Variants in DIAPH2 observed in about 807,000 individuals in gnomAD.
DIAPH2 encodes the protein diaphanous related formin 2.
DIAPH2 carries 35 observed loss-of-function variants against 92.7 expected under a neutral mutation model. That is an observed-to-expected ratio of 0.38 (90% CI 0.29 to 0.50). The LOEUF (loss-of-function observed/expected upper bound fraction) is 0.50. Among genes scored for constraint, DIAPH2 ranks in the 20% least tolerant of loss-of-function variants. DIAPH2 has a pLI of 0.94. For synonymous variants in DIAPH2, 301 were observed against 280.4 expected (o/e 1.07, Z -0.73); for missense variants, 701 against 819.5 (o/e 0.86, Z 1.77).
intron 23 of DIAPH2, among the ~76,000 whole-genome samples, chrX:97,320,327 C>T (rs1248208093): frequency 9.1e-6 from 1 of 109,564 alleles, no homozygotes; most frequent in Non-Finnish European, 1.9e-5. Context: ...TAACTGTAGG[C>T]ACTGAAGGAT....
At chrX:96,940,643 TTTG>T (rs1274349175) in intron 12 of DIAPH2, among the ~76,000 whole-genome samples, 1 of 112,219 alleles carries the variant, frequency 8.9e-6, no homozygotes, top group Non-Finnish European at 1.9e-5. Flanking sequence ...AGTACAGTAA[TTTG>T]TTGGGCATCG....
At chrX:97,384,743 G>A (rs12398812) in intron 25 of DIAPH2, among the ~76,000 whole-genome samples, 3,026 of 110,171 alleles carry the variant, frequency 0.027, 34 homozygotes, top group Middle Eastern at 0.042. Flanking sequence ...GCAGGCGCCT[G>A]TAATCCCAGC....
At chrX:97,419,557 G>A (rs2069985667) in intron 25 of DIAPH2, among the ~76,000 whole-genome samples, 1 of 111,873 alleles carries the variant, frequency 8.9e-6, no homozygotes, top group Non-Finnish European at 1.9e-5. Context: ...CACAAGAAAT[G>A]TAGTTTGACT....
chrX:97,450,551 ATT>A (rs931633294), intron 26 of DIAPH2, among the ~76,000 whole-genome samples: 1 of 111,032 alleles, frequency 9.0e-6, no homozygotes, highest in Non-Finnish European at 1.9e-5. Flanking sequence ...CCACTCTAGT[ATT>A]TTTTCCCATT....
chrX:97,175,769 C>T (rs1322533079), intron 22 of DIAPH2, among the ~76,000 whole-genome samples: 1 of 112,227 alleles, frequency 8.9e-6, no homozygotes, highest in Admixed American at 9.5e-5. Context: ...ATGCTACTTG[C>T]TCTGGTAAAT....
chrX:97,334,472 A>AAAAAAAAC (rs1556028856), intron 23 of DIAPH2, among the ~76,000 whole-genome samples: 5,784 of 84,348 alleles, frequency 0.069, 285 homozygotes, highest in Non-Finnish European at 0.097. Flanking sequence ...CAAAAAAAAA[A>AAAAAAAAC]AAAAAACAAA....
intron 26 of DIAPH2, among the ~76,000 whole-genome samples, chrX:97,488,368 G>C (rs893113368): frequency 2.7e-5 from 3 of 112,149 alleles, no homozygotes; most frequent in Non-Finnish European, 5.6e-5. Context: ...CCCTTTATCA[G>C]ATATGCAGCT....
At chrX:96,884,275 A>T in intron 5 of DIAPH2, 1 of 1,177,012 alleles carries the variant, frequency 8.5e-7, no homozygotes, top group Non-Finnish European at 1.1e-6. Flanking sequence ...AGACGAGCCA[A>T]AGCCCACCTT....
intron 26 of DIAPH2, among the ~76,000 whole-genome samples, chrX:97,594,183 G>GTATA (rs35284387): frequency 0.09 from 9,185 of 102,622 alleles, 384 homozygotes; most frequent in Non-Finnish European, 0.13. Flanking sequence ...TTTGAGCTCA[G>GTATA]TATATATATA....
intron 17 of DIAPH2, among the ~76,000 whole-genome samples, chrX:96,997,280 G>A (rs750726768): frequency 9.0e-6 from 1 of 111,455 alleles, no homozygotes; most frequent in African/African-American, 3.3e-5. Context: ...TGTTGATATA[G>A]CATATTGAGA....
chrX:97,501,904 G>T (rs2070800956), intron 26 of DIAPH2, among the ~76,000 whole-genome samples: 1 of 111,475 alleles, frequency 9.0e-6, no homozygotes, highest in Non-Finnish European at 1.9e-5. Flanking sequence ...CTGGGTTCAA[G>T]CAATTCTCCT....
chrX:96,800,650 C>T (rs2147648518), intron 4 of DIAPH2, among the ~76,000 whole-genome samples: 1 of 112,100 alleles, frequency 8.9e-6, no homozygotes, highest in African/African-American at 3.2e-5. Context: ...CTTTCTCTAC[C>T]TCTCTATCAT....
intron 23 of DIAPH2, among the ~76,000 whole-genome samples, chrX:97,275,463 C>T (rs1248762160): frequency 9.7e-4 from 94 of 96,414 alleles, no homozygotes; most frequent in African/African-American, 3.0e-3. Flanking sequence ...CGGGCGGAGA[C>T]GCTCCTCACT....
intron 8 of DIAPH2, 136 bp downstream of exon 8, chrX:96,916,710 A>G: frequency 1.5e-6 from 1 of 662,448 alleles, no homozygotes; most frequent in Non-Finnish European, 2.2e-6. Context: ...TGAAATTTTT[A>G]TCTTGCCTGT....
intron 4 of DIAPH2, among the ~76,000 whole-genome samples, chrX:96,846,765 G>GT (rs35260797): frequency 0.43 from 40,850 of 94,439 alleles, 8,534 homozygotes; most frequent in South Asian, 0.65. Flanking sequence ...GTACAAAATA[G>GT]TTTTTTTTTT....
At chrX:97,139,320 A>G (rs894493703) in intron 21 of DIAPH2, among the ~76,000 whole-genome samples, 2 of 107,671 alleles carry the variant, frequency 1.9e-5, no homozygotes, top group Non-Finnish European at 3.8e-5. Context: ...TTATATTTTA[A>G]TATTATATAT....
intron 26 of DIAPH2, among the ~76,000 whole-genome samples, chrX:97,473,582 G>A (rs1006542459): frequency 5.4e-5 from 6 of 111,619 alleles, no homozygotes; most frequent in East Asian, 2.9e-4. Flanking sequence ...TGATCTGCCC[G>A]CCTTGGCCTC....
chrX:96,735,277 A>C (rs1047901541), intron 1 of DIAPH2, among the ~76,000 whole-genome samples: 3 of 112,128 alleles, frequency 2.7e-5, no homozygotes, highest in African/African-American at 9.7e-5. Context: ...ATATTTATAA[A>C]AGTGTCCTTT....
intron 3 of DIAPH2, among the ~76,000 whole-genome samples, chrX:96,745,344 A>G (rs2064144170): frequency 8.9e-6 from 1 of 112,214 alleles, no homozygotes; most frequent in Non-Finnish European, 1.9e-5. Context: ...GCATGAGATT[A>G]TGCACAGTAA....
Sources: gnomAD v4.1 joint callset for allele counts (sites outside exome capture counted in the v4.1 genomes callset) on GRCh38, gnomAD v4.1.1 for gene constraint, MANE v1.5 for transcripts, NCBI Gene and HGNC (gene_info 2026-07-23, HGNC 2026-07-21) for gene names.